Variants in TOR1AIP2 observed in about 807,000 individuals in gnomAD.
TOR1AIP2 encodes the protein torsin-1A-interacting protein 2.
TOR1AIP2 carries 20 observed loss-of-function variants against 32.6 expected under a neutral mutation model. The ratio of observed to expected loss-of-function variants is 0.61; its 90% CI spans 0.43 to 0.89. The LOEUF (loss-of-function observed/expected upper bound fraction) is 0.89. Ranked by LOEUF, TOR1AIP2 falls within the 40% of genes least tolerant of loss-of-function variation. The pLI, the probability that TOR1AIP2 is intolerant of heterozygous loss-of-function variation, is 0.00. For missense variants in TOR1AIP2, 456 were observed against 553.8 expected (o/e 0.82, Z 1.77); for synonymous variants, 214 against 210.8 (o/e 1.02, Z -0.13).
intron 3 of TOR1AIP2, chr1:179,860,465 G>A: frequency 1.0e-6 from 1 of 985,168 alleles, no homozygotes; most frequent in Non-Finnish European, 1.2e-6. Flanking sequence ...CTAGGTGACA[G>A]AACGAGACTC....
At chr1:179,870,254 C>A (rs2148456397) in intron 2 of TOR1AIP2, among the ~76,000 whole-genome samples, 1 of 152,170 alleles carries the variant, frequency 6.6e-6, no homozygotes, top group African/African-American at 2.4e-5. Context: ...AAAAAATTAG[C>A]CAGCCGTGGT....
intron 3 of TOR1AIP2, chr1:179,860,126 T>TCCCAAAGTGGCTG (rs1696461866): frequency 1.0e-6 from 1 of 984,994 alleles, no homozygotes; most frequent in African/African-American, 1.7e-5. Context: ...GGAATTACAG[T>TCCCAAAGTGGCTG]GAGCCACCAG....
At chr1:179,856,953 A>G (rs1340819166) in intron 3 of TOR1AIP2, among the ~76,000 whole-genome samples, 3 of 152,170 alleles carry the variant, frequency 2.0e-5, no homozygotes, top group Non-Finnish European at 2.9e-5. Flanking sequence ...GATCCCTATC[A>G]GGGTATGTGT....
At chr1:179,857,753 T>C (rs1192433830) in intron 3 of TOR1AIP2, among the ~76,000 whole-genome samples, 2 of 152,220 alleles carry the variant, frequency 1.3e-5, no homozygotes, top group African/African-American at 4.8e-5. Flanking sequence ...TGATGGCTCA[T>C]GCATGTAAGC....
chr1:179,860,056 C>A (rs1343275091), intron 3 of TOR1AIP2: 80 of 852,712 alleles, frequency 9.4e-5, no homozygotes, highest in Non-Finnish European at 1.1e-4. Context: ...CTATGTTGCT[C>A]AGGCTTGTTT....
intron 3 of TOR1AIP2, chr1:179,863,671 A>T (rs1043445731): frequency 4.8e-5 from 47 of 978,694 alleles, no homozygotes; most frequent in Non-Finnish European, 5.7e-5. Context: ...ACTATTTTTT[A>T]AAAAGCAAAA....
rs941613923 is a variant in TOR1AIP2 at position 179,861,283 on chromosome 1, T to C, written c.-147+4153A>G. The C allele has an allele frequency of 3.0e-6, 3 of 984,610 alleles. No homozygotes were observed. In the East Asian group the frequency reaches 3.4e-4, roughly 111 times the overall value. 61.0% of individuals were successfully genotyped at this position (984,610 alleles called of 1,614,324 possible). On this transcript the variant is annotated intron_variant, in intron 3 of 6. Transcript: ENST00000609928. Reference sequence around the variant, plus strand: ...AGCATTTATATTTTAATAAAATTCATTATTCATATCAACTATGGAGTATTC... The same window carrying C: ...AGCATTTATATTTTAATAAAATTCACTATTCATATCAACTATGGAGTATTC...
rs1347606809 is a variant in TOR1AIP2, at chr1:179,846,079, G to T, written c.1405C>A (p.Leu469Ile). The T allele has an allele frequency of 1.2e-6, 2 of 1,612,836 alleles. No homozygotes were observed. Among genetic ancestry groups the T allele is most frequent in the Non-Finnish European group, 1.7e-6 (2 of 1,179,028 alleles). ...CAACTCTGTGCTTAGCTTTAGAAAAGGCACCCCTGTTCTTCTATGCTACTC... is the reference window on the plus strand; with the variant it reads ...CAACTCTGTGCTTAGCTTTAGAAAATGCACCCCTGTTCTTCTATGCTACTC... ...PVSSIEEQGC[L>I]F Residue 469 changes from leucine to isoleucine, a missense_variant, in exon 7 of 7, where the codon CTT becomes ATT. Leu to Ile is a conservative substitution (Grantham distance 5). Coordinates refer to ENST00000609928, the MANE Select transcript of TOR1AIP2 (RefSeq NM_001199260.2).
chr1:179,864,304 C>T (rs1469453014), intron 3 of TOR1AIP2: 1 of 985,474 alleles, frequency 1.0e-6, no homozygotes, highest in East Asian at 1.1e-4. Context: ...TCATCACTGA[C>T]CAATGCATAA....
chr1:179,859,696 C>T, intron 3 of TOR1AIP2: 1 of 985,400 alleles, frequency 1.0e-6, no homozygotes, highest in African/African-American at 1.7e-5. Flanking sequence ...AACATTGTGA[C>T]AAAAATCTGC....
chr1:179,848,914 A>G (rs1056020830), intron 5 of TOR1AIP2, among the ~76,000 whole-genome samples: 2 of 152,134 alleles, frequency 1.3e-5, no homozygotes, highest in Non-Finnish European at 2.9e-5. Flanking sequence ...GCGGATCACA[A>G]GGTCAGGAGA....
At chr1:179,846,937 C>T in intron 6 of TOR1AIP2, 109 bp from the exon 7 acceptor site, 1 of 1,191,832 alleles carries the variant, frequency 8.4e-7, no homozygotes, top group African/African-American at 1.5e-5. Context: ...TTACTAGGAG[C>T]AATAAGTTTC....
Position 179,872,205 on chromosome 1 carries a change from G to A in TOR1AIP2, c.-566+5034C>T, listed in dbSNP as rs1333489229. ...CTTTTTGAGGGGCATGGCCATAAAG[G>A]AGAACAACTGGTTTGGAAACCTACT... is the stretch of plus-strand genomic sequence containing the variant. On this transcript the variant is annotated intron_variant, in intron 2 of 6. Transcript: ENST00000609928. Among the ~76,000 whole-genome samples the A allele has an allele frequency of 2.6e-5, 4 of 152,160 alleles. No individual in the cohort carries two copies. The East Asian group carries it at 7.7e-4, about 29-fold the overall frequency.
chr1:179,850,283 C>T (rs1208307417), intron 5 of TOR1AIP2, among the ~76,000 whole-genome samples: 2 of 152,152 alleles, frequency 1.3e-5, no homozygotes, highest in South Asian at 2.1e-4. Flanking sequence ...CACACTGCAA[C>T]GCTTAGCTTC....
rs745619830 is a variant in TOR1AIP2, at chr1:179,847,614, T to G, written c.576A>C (p.Gln192His). The change falls in exon 6 of 7, where the codon CAA (glutamine) becomes CAC (histidine). Residue 192 changes from glutamine to histidine, a missense_variant. By Grantham distance (24) the Gln-to-His change is conservative. Transcript: ENST00000609928. ...CTTTAATTTCTTCCAATTTTTGTGT[T>G]TGTTGTGGATGACTTCCAGCCTCTG... The part of the protein sequence containing the change: ...LAPEAGSHPQ[Q>H]TQKLEEIKEN... 2 of 1,613,722 alleles carry G rather than the reference T, an allele frequency of 1.2e-6. No homozygotes were observed. The highest frequency in any genetic ancestry group is 4.5e-5 in the East Asian group (2 of 44,870).
chr1:179,861,192 T>G (rs1192376008), intron 3 of TOR1AIP2: 1 of 985,324 alleles, frequency 1.0e-6, no homozygotes, highest in African/African-American at 1.7e-5. Flanking sequence ...CGAGTGTAGC[T>G]CACACTATTT....
chr1:179,864,471 T>C (rs1696685235), intron 3 of TOR1AIP2: 2 of 1,082,284 alleles, frequency 1.8e-6, no homozygotes, highest in Non-Finnish European at 2.2e-6. Flanking sequence ...CTTTGTCATA[T>C]GACACTCATT....
Position 179,862,408 on chromosome 1 carries a change from G to A in TOR1AIP2, c.-147+3028C>T, listed in dbSNP as rs541325447. 25 of 983,902 alleles carry A rather than the reference G, an allele frequency of 2.5e-5. 1 individual carries two copies. In the South Asian group the frequency reaches 9.4e-4, roughly 37 times the overall value. 60.9% of individuals were successfully genotyped at this position (983,902 alleles called of 1,614,324 possible). On this transcript the variant is annotated intron_variant, in intron 3 of 6. Transcript: ENST00000609928. ...TAGGATAGTGAAATTCTTCATTAAAGAGTTAGTGATAAACTAACTAGTCTT... is the reference window on the plus strand; with the variant it reads ...TAGGATAGTGAAATTCTTCATTAAAAAGTTAGTGATAAACTAACTAGTCTT...
chr1:179,858,409 CAA>C (rs1696388478), intron 3 of TOR1AIP2, among the ~76,000 whole-genome samples: 2 of 151,902 alleles, frequency 1.3e-5, no homozygotes, highest in African/African-American at 4.8e-5. Flanking sequence ...GAGAGGGTGT[CAA>C]CTGTACACAT....
Sources: allele counts gnomAD v4.1 joint callset (sites outside exome capture counted in the v4.1 genomes callset), GRCh38; gene constraint gnomAD v4.1.1; transcripts MANE v1.5; gene names NCBI Gene and HGNC (gene_info 2026-07-23, HGNC 2026-07-21).